MCPH1: variants seen among roughly 807,000 people sequenced by gnomAD.
The protein encoded by MCPH1 is microcephalin.
A neutral mutation model predicts 84.5 loss-of-function variants in MCPH1; 104 were observed. That is an observed-to-expected ratio of 1.23 (90% CI 1.05 to 1.45). The LOEUF (loss-of-function observed/expected upper bound fraction) is 1.45, where lower values mean the gene tolerates loss of function less well. MCPH1 is among the 40% of genes most tolerant of loss of function. The probability of loss-of-function intolerance (pLI) is 0.00; values close to 1 mark genes in which losing one functional copy is unlikely to be tolerated. For synonymous variants in MCPH1, 514 were observed against 366.8 expected, an observed-to-expected ratio of 1.40 and a Z score of -4.58; for missense variants, 1,498 against 1,005.7, an observed-to-expected ratio of 1.49 and a Z score of -6.62.
chr8:6,409,427 T>A (rs1798227080), intron 2 of MCPH1, 57 bp downstream of exon 2: 7 of 1,364,632 alleles, frequency 5.1e-6, no homozygotes, highest in Non-Finnish European at 7.3e-6. Context: ...GGTAAAAAGT[T>A]ACATTTGCAT....
At chr8:6,470,112 T>G (rs1348950350) in intron 9 of MCPH1, among the ~76,000 whole-genome samples, 1 of 152,200 alleles carries the variant, frequency 6.6e-6, no homozygotes, top group Non-Finnish European at 1.5e-5. Flanking sequence ...CTGTAGTAGA[T>G]ACCTTGACAT....
chr8:6,421,893 C>G (rs1800259586), intron 3 of MCPH1, among the ~76,000 whole-genome samples: 1 of 152,200 alleles, frequency 6.6e-6, no homozygotes, highest in South Asian at 2.1e-4. Context: ...CTCTTTCTGC[C>G]TTTAGTTCTT....
intron 12 of MCPH1, among the ~76,000 whole-genome samples, chr8:6,620,578 T>A (rs1046487043): frequency 6.6e-6 from 1 of 152,064 alleles, no homozygotes; most frequent in Non-Finnish European, 1.5e-5. Flanking sequence ...ATACATCCCC[T>A]CAAATCTCTA....
At chr8:6,490,812 G>A (rs1440449349) in intron 11 of MCPH1, among the ~76,000 whole-genome samples, 2 of 152,026 alleles carry the variant, frequency 1.3e-5, no homozygotes, top group African/African-American at 4.8e-5. Context: ...GTAACAGCTT[G>A]CCATAGGTTC....
intron 12 of MCPH1, among the ~76,000 whole-genome samples, chr8:6,554,781 A>T (rs371010540): frequency 6.6e-6 from 1 of 152,140 alleles, no homozygotes; most frequent in Non-Finnish European, 1.5e-5. Flanking sequence ...ACAGGTTTCA[A>T]TCAGGTTCTA....
chr8:6,534,361 C>G (rs1820123433), intron 12 of MCPH1, among the ~76,000 whole-genome samples: 1 of 152,158 alleles, frequency 6.6e-6, no homozygotes, highest in African/African-American at 2.4e-5. Flanking sequence ...ATATGCAGAT[C>G]TACCCTGTTT....
At chr8:6,585,498 A>C (rs1363651080) in intron 12 of MCPH1, among the ~76,000 whole-genome samples, 1 of 152,212 alleles carries the variant, frequency 6.6e-6, no homozygotes, top group Non-Finnish European at 1.5e-5. Context: ...GCCGCCTCGA[A>C]AACATGCAGT....
intron 8 of MCPH1, chr8:6,446,860 T>C: frequency 1.0e-6 from 1 of 985,154 alleles, no homozygotes; most frequent in Non-Finnish European, 1.2e-6. Context: ...AGCAGGTGTG[T>C]TATGTTCTAG....
intron 12 of MCPH1, chr8:6,532,637 A>AT (rs796761227): frequency 6.9e-4 from 423 of 615,996 alleles, no homozygotes; most frequent in South Asian, 9.6e-4. Flanking sequence ...GAATCTTACT[A>AT]TTTTTTTTTA....
At chr8:6,520,505 C>G (rs1817113069) in intron 12 of MCPH1, among the ~76,000 whole-genome samples, 1 of 152,144 alleles carries the variant, frequency 6.6e-6, no homozygotes, top group African/African-American at 2.4e-5. Context: ...AAGTGATTCT[C>G]CTACCTCAGC....
At chr8:6,526,063 G>T (rs62496862) in intron 12 of MCPH1, among the ~76,000 whole-genome samples, 1 of 151,992 alleles carries the variant, frequency 6.6e-6, no homozygotes, top group Non-Finnish European at 1.5e-5. Context: ...GTAATCTCCA[G>T]CTCCCATGTG....
chr8:6,604,275 C>G (rs1315007500), intron 12 of MCPH1, among the ~76,000 whole-genome samples: 3 of 152,212 alleles, frequency 2.0e-5, no homozygotes, highest in Non-Finnish European at 2.9e-5. Flanking sequence ...GCCCTGGAGG[C>G]CGGCAATGTG....
intron 10 of MCPH1, among the ~76,000 whole-genome samples, chr8:6,478,051 T>C (rs1459882988): frequency 1.3e-5 from 2 of 152,234 alleles, no homozygotes; most frequent in Non-Finnish European, 2.9e-5. Flanking sequence ...CATGCTCTTA[T>C]CATCTCCCTT....
chr8:6,538,661 A>C (rs11137037), intron 12 of MCPH1, among the ~76,000 whole-genome samples: 59,651 of 152,072 alleles, frequency 0.39, 12,226 homozygotes, highest in African/African-American at 0.52. Flanking sequence ...TGCATGCCCT[A>C]AGCAAAGATA....
chr8:6,593,101 T>TTTTAC (rs1554469457), intron 12 of MCPH1, among the ~76,000 whole-genome samples: 1 of 150,236 alleles, frequency 6.7e-6, no homozygotes. Flanking sequence ...TTTTTTTTTT[T>TTTTAC]AGACAGAGTT....
At position 6,643,166 on chromosome 8, in the gene MCPH1, TATC is replaced by T. The variant is rs1375733094; in HGVS notation, c.*120_*122del. 1 of 871,910 alleles carries T rather than the reference TATC, an allele frequency of 1.1e-6. No individual in the cohort carries two copies. Among genetic ancestry groups the T allele is most frequent in the African/African-American group, 1.6e-5 (1 of 60,674 alleles). The allele number at this position is 871,910 out of a possible 1,614,324, so 54.0% of individuals were successfully genotyped here. A position where few individuals can be genotyped will look rare whatever the true frequency, so the allele number is the denominator to read the frequency against. The stretch of plus-strand genomic sequence containing the variant: ...CTGGCGTATACAAGATGACTTCTGA[TATC>T]ATGTTTGCCATGTGTTGTGGTTCTT... On this transcript the variant is annotated 3_prime_UTR_variant, in exon 14 of 14. Coordinates refer to ENST00000344683, the MANE Select transcript of MCPH1 (RefSeq NM_024596.5).
chr8:6,558,622 G>T (rs1355234542), intron 12 of MCPH1, among the ~76,000 whole-genome samples: 2 of 152,248 alleles, frequency 1.3e-5, no homozygotes, highest in Admixed American at 6.5e-5. Context: ...AAGATTTTCA[G>T]AGTTCAGTAT....
intron 13 of MCPH1, among the ~76,000 whole-genome samples, chr8:6,641,504 G>C (rs989103307): frequency 6.6e-6 from 1 of 152,224 alleles, no homozygotes; most frequent in Non-Finnish European, 1.5e-5. Context: ...CATTTTGGAA[G>C]ACTGAGGCAC....
chr8:6,410,962 C>CA, intron 2 of MCPH1, among the ~76,000 whole-genome samples: 1 of 152,224 alleles, frequency 6.6e-6, no homozygotes, highest in African/African-American at 2.4e-5. Flanking sequence ...TGGTGGCACA[C>CA]ACCTGTAGTC....
Sources: allele counts gnomAD v4.1 joint callset (sites outside exome capture counted in the v4.1 genomes callset), GRCh38; gene constraint gnomAD v4.1.1; transcripts MANE v1.5; gene names NCBI Gene and HGNC (gene_info 2026-07-23, HGNC 2026-07-21).